PTGER3: variants seen among roughly 807,000 people sequenced by gnomAD.
PTGER3 encodes prostaglandin E2 receptor EP3 subtype.
Under a neutral mutation model 34.7 loss-of-function variants are expected in PTGER3, and 22 were observed. That is an observed-to-expected ratio of 0.63 (90% confidence interval 0.45 to 0.91). The LOEUF (loss-of-function observed/expected upper bound fraction) is 0.91. Among genes scored for constraint, PTGER3 ranks in the 40% least tolerant of loss-of-function variants. The pLI is 0.00. For synonymous variants in PTGER3, 241 were observed against 230.1 expected (o/e 1.05, Z -0.43); for missense variants, 468 against 519.4 (o/e 0.90, Z 0.96).
intron 2 of PTGER3, chr1:70,953,820 C>T (rs1175197801): frequency 9.2e-7 from 1 of 1,084,448 alleles, no homozygotes. Flanking sequence ...TATAAGCTTG[C>T]TATAATTTAA....
At chr1:71,041,445 T>G (rs1660304327) in intron 1 of PTGER3, among the ~76,000 whole-genome samples, 1 of 152,188 alleles carries the variant, frequency 6.6e-6, no homozygotes, top group African/African-American at 2.4e-5. Flanking sequence ...GAATGTGCAT[T>G]CCTTTCACAC....
At chr1:70,932,296 C>T (rs550269386) in intron 4 of PTGER3, among the ~76,000 whole-genome samples, 6 of 152,108 alleles carry the variant, frequency 3.9e-5, no homozygotes, top group Admixed American at 3.9e-4. Flanking sequence ...CCAAACTTTC[C>T]CACATTTTCC....
Position 71,037,203 on chromosome 1 carries a change from C to T in PTGER3, c.897+9478G>A, listed in dbSNP as rs116142185. ...AAGGGCAACCACAGTAAGACCTATC[C>T]GACTAGTTACATTGGCTTATTGGAA... On this transcript the variant is annotated intron_variant, in intron 1 of 3. Transcript: ENST00000306666. Among the ~76,000 whole-genome samples, 663 of 152,246 alleles carry T rather than the reference C, an allele frequency of 4.4e-3. 6 individuals carry two copies. The highest frequency in any genetic ancestry group is 0.015 in the African/African-American group (635 of 41,532).
chr1:71,015,304 T>G (rs1373555346), intron 1 of PTGER3, among the ~76,000 whole-genome samples: 2 of 152,056 alleles, frequency 1.3e-5, no homozygotes, highest in African/African-American at 2.4e-5. Context: ...CTTGGACGTA[T>G]GGGGGAAGAA....
intron 2 of PTGER3, among the ~76,000 whole-genome samples, chr1:70,965,643 A>G (rs1053590662): frequency 1.3e-4 from 20 of 152,148 alleles, no homozygotes; most frequent in Admixed American, 1.3e-3. Flanking sequence ...CTTTACCAAC[A>G]CCATCAAGCA....
intron 1 of PTGER3, among the ~76,000 whole-genome samples, chr1:71,018,157 C>T (rs369342051): frequency 2.0e-5 from 3 of 152,076 alleles, no homozygotes; most frequent in Admixed American, 2.0e-4. Flanking sequence ...AACAAATATG[C>T]CCACACACTG....
At chr1:70,950,032 C>T (rs897137357), downstream of PTGER3, among the ~76,000 whole-genome samples, 5 of 152,086 alleles carry the variant, frequency 3.3e-5, no homozygotes, top group African/African-American at 9.7e-5. Context: ...ATTCCCAGCA[C>T]GTACTGGCAG....
At chr1:70,998,609 C>A (rs1656191138) in intron 2 of PTGER3, among the ~76,000 whole-genome samples, 1 of 152,132 alleles carries the variant, frequency 6.6e-6, no homozygotes, top group Non-Finnish European at 1.5e-5. Context: ...CACTAAGAAC[C>A]AAGTTGTTAC....
intron 4 of PTGER3, among the ~76,000 whole-genome samples, chr1:70,938,551 C>T (rs547554151): frequency 2.9e-4 from 44 of 152,070 alleles, no homozygotes; most frequent in African/African-American, 5.3e-4. Flanking sequence ...TTCAGGCTGC[C>T]GATAAAGACA....
chr1:71,008,108 T>C (rs2300168), intron 2 of PTGER3: 172,397 of 979,840 alleles, frequency 0.18, 15,833 homozygotes, highest in East Asian at 0.44. Flanking sequence ...AGGAATTATG[T>C]CTGTTACTTT....
intron 2 of PTGER3, chr1:70,998,177 G>T (rs1003224543): frequency 6.6e-6 from 1 of 152,194 alleles, no homozygotes; most frequent in Non-Finnish European, 1.5e-5. Context: ...CAGGTTTGAA[G>T]GGAAATTTAC....
At chr1:70,963,387 C>T (rs1652156647) in intron 2 of PTGER3, among the ~76,000 whole-genome samples, 2 of 152,208 alleles carry the variant, frequency 1.3e-5, no homozygotes, top group African/African-American at 4.8e-5. Flanking sequence ...AACCTCACAT[C>T]TCCCCTCCGT....
chr1:70,929,790 G>A (rs1330201199), intron 4 of PTGER3, among the ~76,000 whole-genome samples: 4 of 152,176 alleles, frequency 2.6e-5, no homozygotes, highest in Admixed American at 2.6e-4. Flanking sequence ...TATTTGTAGG[G>A]AAACCTCTGC....
At chr1:70,865,932 T>A in intron 4 of PTGER3, 1 of 630,942 alleles carries the variant, frequency 1.6e-6, no homozygotes, top group South Asian at 2.1e-5. Context: ...TCCTGGACTG[T>A]CATCCGGGAA....
chr1:70,871,367 A>G (rs1416869830), intron 4 of PTGER3, among the ~76,000 whole-genome samples: 3 of 152,152 alleles, frequency 2.0e-5, no homozygotes, highest in Non-Finnish European at 4.4e-5. Context: ...GGATGAACCA[A>G]ATACCTCACA....
At chr1:70,942,925 T>C (rs997195724) in intron 4 of PTGER3, among the ~76,000 whole-genome samples, 4 of 152,152 alleles carry the variant, frequency 2.6e-5, no homozygotes, top group African/African-American at 9.7e-5. Context: ...GATTTTAGAC[T>C]TTTCACCTCC....
At chr1:70,865,568 A>C in intron 4 of PTGER3, 1 of 1,182,518 alleles carries the variant, frequency 8.5e-7, no homozygotes, top group East Asian at 4.9e-5. Flanking sequence ...AGGCCACAAA[A>C]AGATAGGTGG....
chr1:70,953,164 A>G (rs1456295897), intron 3 of PTGER3: 2 of 979,706 alleles, frequency 2.0e-6, no homozygotes, highest in African/African-American at 3.3e-5. Context: ...CACTATTTAT[A>G]CAACATTTAC....
intron 1 of PTGER3, among the ~76,000 whole-genome samples, chr1:71,041,817 G>A (rs983002392): frequency 3.3e-5 from 5 of 152,204 alleles, no homozygotes; most frequent in African/African-American, 9.6e-5. Flanking sequence ...AAAATGTTAC[G>A]CAGATGTACA....
Sources: gnomAD v4.1 joint callset for allele counts (sites outside exome capture counted in the v4.1 genomes callset) on GRCh38, gnomAD v4.1.1 for gene constraint, MANE v1.5 for transcripts, NCBI Gene and HGNC (gene_info 2026-07-23, HGNC 2026-07-21) for gene names.